Variants in LRRC8D observed in about 807,000 individuals in gnomAD.
LRRC8D encodes the protein volume-regulated anion channel subunit LRRC8D.
In LRRC8D, 20 loss-of-function variants were observed where a neutral mutation model predicts 55.8. The ratio of observed to expected loss-of-function variants is 0.36; its 90% CI spans 0.25 to 0.52. The LOEUF (loss-of-function observed/expected upper bound fraction) is 0.52. Among genes scored for constraint, LRRC8D ranks in the 20% least tolerant of loss-of-function variants. The pLI is 0.93. For missense variants in LRRC8D, 651 were observed against 1,030.8 expected (o/e 0.63, Z 5.05); for synonymous variants, 352 against 377.0 (o/e 0.93, Z 0.77).
chr1:89,841,456 T>G (rs1292916281), intron 1 of LRRC8D, among the ~76,000 whole-genome samples: 3 of 143,658 alleles, frequency 2.1e-5, no homozygotes, highest in African/African-American at 7.5e-5. Context: ...TTTGGTTGCG[T>G]CAGGAGCCTC....
intron 2 of LRRC8D, among the ~76,000 whole-genome samples, chr1:89,871,057 C>A (rs193161239): frequency 1.8e-4 from 28 of 152,198 alleles, no homozygotes; most frequent in Admixed American, 5.2e-4. Flanking sequence ...GAAGTTACTT[C>A]CTGTGGTGGT....
intron 2 of LRRC8D, among the ~76,000 whole-genome samples, chr1:89,877,722 A>C (rs1662181787): frequency 6.6e-6 from 1 of 152,214 alleles, no homozygotes; most frequent in Non-Finnish European, 1.5e-5. Flanking sequence ...CCAGCACGTG[A>C]CATACATGGT....
At chr1:89,868,394 C>T (rs1336630301) in intron 2 of LRRC8D, among the ~76,000 whole-genome samples, 1 of 152,178 alleles carries the variant, frequency 6.6e-6, no homozygotes, top group Admixed American at 6.5e-5. Context: ...TACTGGGCTC[C>T]TTCAGATTAT....
intron 2 of LRRC8D, among the ~76,000 whole-genome samples, chr1:89,844,598 A>G (rs1388453453): frequency 6.6e-6 from 1 of 152,218 alleles, no homozygotes; most frequent in African/African-American, 2.4e-5. Flanking sequence ...ACTTTTCTCA[A>G]ATTCACCAGG....
chr1:89,905,680 A>G (rs1346534122), intron 2 of LRRC8D, among the ~76,000 whole-genome samples: 1 of 152,202 alleles, frequency 6.6e-6, no homozygotes, highest in Admixed American at 6.5e-5. Flanking sequence ...TGAATTAGAT[A>G]AAACTACCCA....
chr1:89,884,390 A>G (rs1213398261), intron 2 of LRRC8D, among the ~76,000 whole-genome samples: 1 of 152,200 alleles, frequency 6.6e-6, no homozygotes, highest in Non-Finnish European at 1.5e-5. Context: ...AGCACTTTGG[A>G]GCTCCCACTT....
rs114000494 is a variant in LRRC8D, at chr1:89,923,746, T to C, written c.-2-9321T>C. On this transcript the variant is annotated intron_variant, in intron 2 of 2. Transcript: ENST00000337338. ...ATACAAAAGCAGACACACAGACCAC[T>C]GGAACAGGACAGAGTCCACAAAATT... 2.6e-3 allele frequency among the ~76,000 whole-genome samples: 395 copies of C among 152,268 alleles called. 1 individual carries two copies. The highest frequency in any genetic ancestry group is 9.1e-3 in the African/African-American group (378 of 41,540).
rs962894519 is a variant in LRRC8D, at chr1:89,868,285, CAT to C, written c.-3+24505_-3+24506del. On this transcript the variant is annotated intron_variant, in intron 2 of 2. Transcript: ENST00000337338. ...CAGCTGACACACCAAGATTTTGAAT[CAT>C]AAAATGTAAGGATTAGAAGCTAATG... Among the ~76,000 whole-genome samples, 18 of 152,230 alleles carry C rather than the reference CAT, an allele frequency of 1.2e-4. 1 individual carries two copies. Among genetic ancestry groups the C allele is most frequent in the African/African-American group, 4.1e-4 (17 of 41,516 alleles).
At chr1:89,932,877 C>T (rs1184320243) in intron 2 of LRRC8D, among the ~76,000 whole-genome samples, 190 bp from the exon 3 acceptor site, 5 of 152,124 alleles carry the variant, frequency 3.3e-5, no homozygotes, top group East Asian at 1.9e-4. Context: ...TCATTCTTTC[C>T]CTCTTCCCTT....
At chr1:89,844,436 CAGCG>C in intron 2 of LRRC8D, among the ~76,000 whole-genome samples, 1 of 152,204 alleles carries the variant, frequency 6.6e-6, no homozygotes, top group East Asian at 1.9e-4. Flanking sequence ...TGAGGCACAG[CAGCG>C]AGTTCTGAGA....
chr1:89,871,488 GTTAGAC>G (rs1427453184), intron 2 of LRRC8D, among the ~76,000 whole-genome samples: 1 of 152,258 alleles, frequency 6.6e-6, no homozygotes, highest in East Asian at 1.9e-4. Flanking sequence ...TTTATATTGT[GTTAGAC>G]TTAAAGTATA....
At position 89,843,626 on chromosome 1, in the gene LRRC8D, G is replaced by C; in HGVS notation, c.-147-12G>C. The C allele has an allele frequency of 1.4e-6, 1 of 702,032 alleles. No individual in the cohort carries two copies. The highest frequency in any genetic ancestry group is 1.7e-5 in the African/African-American group (1 of 57,346). The allele number at this position is 702,032 out of a possible 1,614,324, so 43.5% of individuals were successfully genotyped here. The stretch of plus-strand genomic sequence containing the variant: ...CTCTCTAGCTCTTTCTCTCCCCTGT[G>C]TTTTCAAACAGGAAGTGCACGGCTG... On this transcript the variant is annotated splice_polypyrimidine_tract_variant and intron_variant, in intron 1 of 2. Coordinates refer to ENST00000337338, the MANE Select transcript of LRRC8D (RefSeq NM_001134479.2).
At chr1:89,861,649 C>G (rs1281896135) in intron 2 of LRRC8D, among the ~76,000 whole-genome samples, 1 of 152,174 alleles carries the variant, frequency 6.6e-6, no homozygotes, top group East Asian at 1.9e-4. Context: ...ATATGGGCAT[C>G]CCTGAAGACT....
rs1663516037 is a variant in LRRC8D at position 89,924,835 on chromosome 1, G to A, written c.-2-8232G>A. Reference sequence around the variant, plus strand: ...AGAAACATAAAACCAAATACCACATGTTCTCACTTATAAGTGGGAGCTAAA... The same window carrying A: ...AGAAACATAAAACCAAATACCACATATTCTCACTTATAAGTGGGAGCTAAA... On this transcript the variant is annotated intron_variant, in intron 2 of 2. Transcript: ENST00000337338. Among the ~76,000 whole-genome samples, 4 of 152,130 alleles carry A rather than the reference G, an allele frequency of 2.6e-5. No individual in the cohort carries two copies. The South Asian group carries it at 8.3e-4, about 32-fold the overall frequency.
chr1:89,876,836 CAA>C (rs1263033696), intron 2 of LRRC8D, among the ~76,000 whole-genome samples: 1 of 152,164 alleles, frequency 6.6e-6, no homozygotes, highest in Non-Finnish European at 1.5e-5. Flanking sequence ...CCTTTATAGA[CAA>C]AGTTTGTTGG....
Position 89,934,604 on chromosome 1 carries a change from G to A in LRRC8D, c.1536G>A (p.Met512Ile), listed in dbSNP as rs374536195. Residue 512 changes from methionine (M) to isoleucine (I), a missense_variant, in exon 3 of 3, where the codon ATG (methionine) becomes ATA (isoleucine). By Grantham distance (10) the Met-to-Ile change is conservative. Transcript: ENST00000337338. This position sits in a 1 kb window ranked among gnomAD's most constrained non-coding sequence, Gnocchi z 5.9. ...AAATTCCTGCTAAGATTTCTCAAATGACTAACCTCCAAGAGCTCCACCTCT... is the reference window on the plus strand; with the variant it reads ...AAATTCCTGCTAAGATTTCTCAAATAACTAACCTCCAAGAGCTCCACCTCT... ...EAKIPAKISQMTNLQELHLCH... is the reference protein window; with the variant it reads ...EAKIPAKISQITNLQELHLCH... 2 of 1,613,974 alleles carry A rather than the reference G, an allele frequency of 1.2e-6. No individual in the cohort carries two copies. The highest frequency in any genetic ancestry group is 1.7e-6 in the Non-Finnish European group (2 of 1,180,022).
intron 2 of LRRC8D, among the ~76,000 whole-genome samples, chr1:89,855,741 T>C (rs1296880144): frequency 6.6e-6 from 1 of 152,240 alleles, no homozygotes; most frequent in Non-Finnish European, 1.5e-5. Context: ...AAAGTGAAAA[T>C]AGTTAAAAAA....
intron 2 of LRRC8D, among the ~76,000 whole-genome samples, chr1:89,891,001 C>T (rs1221463144): frequency 6.6e-6 from 1 of 152,194 alleles, no homozygotes; most frequent in Non-Finnish European, 1.5e-5. Context: ...GCTGCCTCAG[C>T]TTCCTGAGTA....
intron 2 of LRRC8D, among the ~76,000 whole-genome samples, chr1:89,865,818 A>T (rs1661827807): frequency 6.6e-6 from 1 of 152,242 alleles, no homozygotes; most frequent in African/African-American, 2.4e-5. Context: ...ATATATATCT[A>T]ATTCAACTAT....
Sources: allele counts gnomAD v4.1 joint callset (sites outside exome capture counted in the v4.1 genomes callset), GRCh38; gene constraint gnomAD v4.1.1; non-coding constraint Gnocchi (gnomAD v3.1); transcripts MANE v1.5; gene names NCBI Gene and HGNC (gene_info 2026-07-23, HGNC 2026-07-21).